The following ADGRD1 variants were observed in gnomAD, a reference collection of about 807,000 sequenced individuals.
ADGRD1 encodes G-protein coupled receptor 133.
A neutral mutation model predicts 113.4 loss-of-function variants in ADGRD1; 77 were observed. That is an observed-to-expected ratio of 0.68 (90% CI 0.57 to 0.82). ADGRD1 has a LOEUF of 0.82. Among genes scored for constraint, ADGRD1 ranks in the 40% least tolerant of loss-of-function variants. The pLI is 0.00. For missense variants in ADGRD1, 1,036 were observed against 1,139.1 expected (o/e 0.91, Z 1.30); for synonymous variants, 474 against 475.0 (o/e 1.00, Z 0.03).
At chr12:131,094,283 G>T (rs1001687023) in intron 15 of ADGRD1, among the ~76,000 whole-genome samples, 5 of 152,192 alleles carry the variant, frequency 3.3e-5, no homozygotes, top group Non-Finnish European at 4.4e-5. Flanking sequence ...GAGTGGGAGT[G>T]GGGTGGGGTG....
At chr12:131,085,887 G>T (rs548386010) in intron 15 of ADGRD1, among the ~76,000 whole-genome samples, 1 of 152,288 alleles carries the variant, frequency 6.6e-6, no homozygotes, top group African/African-American at 2.4e-5. Context: ...CATCTTCCGT[G>T]CGGAGCCCTG....
At chr12:130,979,272 G>C (rs1301199684) in intron 4 of ADGRD1, among the ~76,000 whole-genome samples, 2 of 152,196 alleles carry the variant, frequency 1.3e-5, no homozygotes, top group Non-Finnish European at 2.9e-5. Context: ...AAAGGTCCAG[G>C]CCTCTTCCAA....
chr12:130,975,802 T>C lies in ADGRD1; in HGVS notation c.310+4222T>C, dbSNP rs75278790. ...TTCCGCTATTGGACTCCTCTGACTT[T>C]TAGTGTGTTATTTCTGATATTGGGC... On this transcript the variant is annotated intron_variant, in intron 4 of 24. Transcript: ENST00000261654. Among the ~76,000 whole-genome samples the C allele has an allele frequency of 8.5e-3, 1,289 of 152,238 alleles. 6 individuals carry two copies. The highest frequency in any genetic ancestry group is 0.011 in the Non-Finnish European group (773 of 68,014).
intron 13 of ADGRD1, among the ~76,000 whole-genome samples, chr12:131,061,435 A>T (rs1436876916): frequency 6.6e-6 from 1 of 152,184 alleles, no homozygotes; most frequent in East Asian, 1.9e-4. Context: ...TAATAGTAGG[A>T]TCCTCTTCTC....
rs372885212 is a variant in ADGRD1 at position 130,966,608 on chromosome 12, T to G, written c.187+62T>G. ...GGAATCCCAGGGCCATCAGGAGGCG[T>G]GGGTGCTGAGAGTGGCTGGCCTTGA... On this transcript the variant is annotated intron_variant, in intron 3 of 24. Coordinates refer to ENST00000261654, the MANE Select transcript of ADGRD1 (RefSeq NM_198827.5). This position sits in a 1 kb window ranked among gnomAD's most constrained non-coding sequence, Gnocchi z 4.6. 1 of 1,030,302 alleles carries G rather than the reference T, an allele frequency of 9.7e-7. No homozygotes were observed. Among genetic ancestry groups the G allele is most frequent in the Non-Finnish European group, 1.5e-6 (1 of 649,076 alleles). The allele number at this position is 1,030,302 out of a possible 1,614,324, so 63.8% of individuals were successfully genotyped here.
rs567318430 is a variant in ADGRD1 at position 131,137,940 on chromosome 12, G to A, written c.2437-197G>A. ...GGCCACTCCACACCCAGCTTCCCTG[G>A]CCTGCGATACAACCTGGCTCTGCCC... On this transcript the variant is annotated intron_variant, in intron 23 of 24. Transcript: ENST00000261654. The A allele has an allele frequency of 5.2e-6, 3 of 579,378 alleles. No individual in the cohort carries two copies. The African/African-American group carries it at 5.6e-5, about 11-fold the overall frequency. The allele number at this position is 579,378 out of a possible 1,614,324, so 35.9% of individuals were successfully genotyped here.
At chr12:131,125,560 A>C (rs1316194576) in intron 20 of ADGRD1, among the ~76,000 whole-genome samples, 1 of 152,234 alleles carries the variant, frequency 6.6e-6, no homozygotes, top group East Asian at 1.9e-4. Context: ...ACACAGATGG[A>C]AATGTAGATA....
At chr12:131,111,183 C>T (rs1448617301) in intron 18 of ADGRD1, among the ~76,000 whole-genome samples, 1 of 152,128 alleles carries the variant, frequency 6.6e-6, no homozygotes, top group Non-Finnish European at 1.5e-5. Flanking sequence ...ACCTCCACCT[C>T]CCAGCCTCAA....
In ADGRD1 at chr12:131,131,794, C is replaced by G; in HGVS notation, c.2245C>G (p.His749Asp). The G allele has an allele frequency of 6.2e-7, 1 of 1,612,602 alleles. No homozygotes were observed. The highest frequency in any genetic ancestry group is 8.5e-7 in the Non-Finnish European group (1 of 1,178,684). The change falls in exon 21 of 25, where the codon CAT becomes GAT. Residue 749 changes from histidine to aspartate, a missense_variant. Physicochemically the swap from His to Asp is moderately conservative, Grantham distance 81. Transcript: ENST00000261654. ...SQISADNYKIHGDPSAFKLTA... is the reference protein window; with the variant it reads ...SQISADNYKIDGDPSAFKLTA... ...GATCAGCGCCGACAACTACAAGATC[C>G]ATGGAGACCCCAGTGCCTTCAAGTA...
intron 4 of ADGRD1, 59 bp from the exon 5 acceptor site, chr12:130,981,825 C>CT: frequency 8.8e-7 from 1 of 1,135,870 alleles, no homozygotes; most frequent in Non-Finnish European, 1.3e-6. Context: ...GAACCATGTG[C>CT]TTGCGAGAAG....
chr12:131,006,996 G>A (rs1342629601), intron 12 of ADGRD1, among the ~76,000 whole-genome samples: 1 of 152,156 alleles, frequency 6.6e-6, no homozygotes, highest in African/African-American at 2.4e-5. Flanking sequence ...CCCTTCCTTG[G>A]CCCCTCCTGC....
intron 20 of ADGRD1, among the ~76,000 whole-genome samples, chr12:131,121,218 C>T (rs1950585500): frequency 6.6e-6 from 1 of 152,196 alleles, no homozygotes; most frequent in Non-Finnish European, 1.5e-5. Flanking sequence ...CTTCCCCATC[C>T]TCCGGTGCCT....
intron 5 of ADGRD1, among the ~76,000 whole-genome samples, chr12:130,986,081 T>C (rs1402571364): frequency 6.6e-6 from 1 of 152,248 alleles, no homozygotes; most frequent in East Asian, 1.9e-4. Flanking sequence ...ATAGTAAGTC[T>C]GGAAATTGGG....
chr12:130,955,347 T>C (rs567459185), intron 2 of ADGRD1, among the ~76,000 whole-genome samples: 1 of 151,836 alleles, frequency 6.6e-6, no homozygotes, highest in South Asian at 2.1e-4. Context: ...CTCAGAGTGC[T>C]GACCAGCTTA....
In ADGRD1 at chr12:130,966,425, T is replaced by C. The variant is rs751722312; in HGVS notation, c.104-38T>C. 44 of 1,348,052 alleles carry C rather than the reference T, an allele frequency of 3.3e-5. No individual in the cohort carries two copies. Among genetic ancestry groups the C allele is most frequent in the Non-Finnish European group, 4.3e-6 (4 of 937,912 alleles). 83.5% of individuals were successfully genotyped at this position (1,348,052 alleles called of 1,614,324 possible). On this transcript the variant is annotated intron_variant, in intron 2 of 24. Transcript: ENST00000261654. The surrounding 1 kb of genome is among the most constrained non-coding windows in gnomAD (Gnocchi z 4.6). Reference sequence around the variant, plus strand: ...TCTTACCCTCTGGTTCTTTCCTCTCTAATGATGATTTAAAATTTTTATTCT... The same window carrying C: ...TCTTACCCTCTGGTTCTTTCCTCTCCAATGATGATTTAAAATTTTTATTCT...
rs779643770 is a variant in ADGRD1, at chr12:130,971,508, G to C, written c.238G>C (p.Gly80Arg). The C allele has an allele frequency of 6.2e-7, 1 of 1,613,652 alleles. No individual in the cohort carries two copies. Among genetic ancestry groups the C allele is most frequent in the Non-Finnish European group, 8.5e-7 (1 of 1,179,738 alleles). Residue 80 changes from glycine (G) to arginine (R), a missense_variant, in exon 4 of 25, where the codon GGA becomes CGA. Gly to Arg is a moderately radical substitution (Grantham distance 125). Coordinates refer to ENST00000261654, the MANE Select transcript of ADGRD1 (RefSeq NM_198827.5). This position sits in a 1 kb window ranked among gnomAD's most constrained non-coding sequence, Gnocchi z 4.2. The part of the protein sequence containing the change: ...NKGIYLKEEK[G>R]VTLLYYGRYN... ...AGGCATTTACCTGAAAGAGGAAAAGGGAGTCACGCTTCTCTATTACGGCAG... is the reference window on the plus strand; with the variant it reads ...AGGCATTTACCTGAAAGAGGAAAAGCGAGTCACGCTTCTCTATTACGGCAG...
At chr12:130,976,453 C>T (rs569966725) in intron 4 of ADGRD1, among the ~76,000 whole-genome samples, 3 of 152,284 alleles carry the variant, frequency 2.0e-5, no homozygotes, top group South Asian at 4.1e-4. Context: ...CCAACCAGGA[C>T]GTGCTGATTC....
At position 130,954,627 on chromosome 12, in the gene ADGRD1, C is replaced by A; in HGVS notation, c.70C>A (p.Arg24Ser). 6.2e-7 allele frequency: 1 copy of A among 1,613,826 alleles called. No individual in the cohort carries two copies. The highest frequency in any genetic ancestry group is 8.5e-7 in the Non-Finnish European group (1 of 1,179,968). ...LLLFYYNFQVRGVYSRSQDHP... is the reference protein window; with the variant it reads ...LLLFYYNFQVSGVYSRSQDHP... ...CACTGTGGTCTTTTGTGCGCAGGTG[C>A]GTGGCGTCTACTCCAGATCGCAGGA... The change falls in exon 2 of 25, where the codon CGT becomes AGT. Residue 24 changes from arginine to serine, a missense_variant. By Grantham distance (110) the Arg-to-Ser change is moderately radical. Transcript: ENST00000261654. This position sits in a 1 kb window ranked among gnomAD's most constrained non-coding sequence, Gnocchi z 4.7.
intron 17 of ADGRD1, among the ~76,000 whole-genome samples, chr12:131,107,793 A>G (rs1203326868): frequency 1.3e-5 from 2 of 152,364 alleles, no homozygotes; most frequent in East Asian, 3.9e-4. Flanking sequence ...ACAGATCATG[A>G]TGACAAGAAA....
Sources: gnomAD v4.1 joint callset for allele counts (sites outside exome capture counted in the v4.1 genomes callset) on GRCh38, gnomAD v4.1.1 for gene constraint, Gnocchi (gnomAD v3.1) non-coding constraint, MANE v1.5 for transcripts, NCBI Gene and HGNC (gene_info 2026-07-23, HGNC 2026-07-21) for gene names.